Variants in RHEB observed in about 807,000 individuals in gnomAD.
RHEB encodes the protein Ras homolog, mTORC1 binding.
RHEB carries 2 observed loss-of-function variants against 28.8 expected under a neutral mutation model. The ratio of observed to expected loss-of-function variants is 0.07; its 90% CI spans 0.03 to 0.22. The LOEUF is 0.22. Ranked by LOEUF, RHEB falls within the 10% of genes least tolerant of loss-of-function variation. The pLI is 1.00. For synonymous variants in RHEB, 69 were observed against 77.3 expected (o/e 0.89, Z 0.56); for missense variants, 76 against 219.9 (o/e 0.35, Z 4.14).
At chr7:151,509,651 C>T (rs148653337) in intron 1 of RHEB, among the ~76,000 whole-genome samples, 1 of 152,180 alleles carries the variant, frequency 6.6e-6, no homozygotes, top group Non-Finnish European at 1.5e-5. Context: ...AGGATGGAAG[C>T]CAGGATCAGC....
At chr7:151,497,610 A>G (rs1802696696) in intron 1 of RHEB, among the ~76,000 whole-genome samples, 1 of 152,184 alleles carries the variant, frequency 6.6e-6, no homozygotes. Flanking sequence ...CGGCACTCGC[A>G]ATGTCCCGAT....
intron 3 of RHEB, among the ~76,000 whole-genome samples, chr7:151,479,682 CA>C (rs10690355): frequency 1.0e-3 from 114 of 113,250 alleles, no homozygotes; most frequent in Admixed American, 2.9e-3. Flanking sequence ...GACTCCGTCT[CA>C]AAAAAAAAAA....
intron 1 of RHEB, among the ~76,000 whole-genome samples, chr7:151,512,574 C>T (rs759097889): frequency 4.6e-5 from 7 of 152,192 alleles, no homozygotes; most frequent in Admixed American, 1.3e-4. Context: ...TGGCCTCCCT[C>T]GTGCTTCCTT....
At chr7:151,516,622 C>CAAAAAAAAAA (rs551863062) in intron 1 of RHEB, among the ~76,000 whole-genome samples, 2 of 91,978 alleles carry the variant, frequency 2.2e-5, no homozygotes, top group African/African-American at 4.4e-5. Flanking sequence ...GACTCTGTCA[C>CAAAAAAAAAA]AAAAAAAAAA....
intron 1 of RHEB, among the ~76,000 whole-genome samples, chr7:151,495,515 T>C (rs1802657141): frequency 6.6e-6 from 1 of 152,252 alleles, no homozygotes; most frequent in Non-Finnish European, 1.5e-5. Flanking sequence ...TCTCAGCTGG[T>C]ATTTTCACTA....
chr7:151,515,369 T>C (rs1303856253), intron 1 of RHEB, among the ~76,000 whole-genome samples: 1 of 152,142 alleles, frequency 6.6e-6, no homozygotes, highest in African/African-American at 2.4e-5. Flanking sequence ...TGCTAATGAG[T>C]ACAGAGTTTC....
At chr7:151,514,440 A>T (rs1013552775) in intron 1 of RHEB, among the ~76,000 whole-genome samples, 4 of 152,212 alleles carry the variant, frequency 2.6e-5, no homozygotes, top group African/African-American at 9.6e-5. Context: ...CAACCCACAG[A>T]CAGGAGAAAT....
rs1802438993 is a variant in RHEB at position 151,484,788 on chromosome 7, G to C, written c.141C>G (p.Ile47Met). The change falls in exon 3 of 8, where the codon ATC (isoleucine) becomes ATG (methionine). Residue 47 changes from isoleucine to methionine, a missense_variant. By Grantham distance (10) the Ile-to-Met change is conservative. Coordinates refer to ENST00000262187, the MANE Select transcript of RHEB (RefSeq NM_005614.4). ...GATGATATTCTTGTCCATTTACTGT[G>C]ATCAACTTTGTAAAAGCTACAGGGA... ...PTIENTFTKL[I>M]TVNGQEYHLQ... 6.2e-7 allele frequency: 1 copy of C among 1,611,704 alleles called. No homozygotes were observed. Among genetic ancestry groups the C allele is most frequent in the Non-Finnish European group, 8.5e-7 (1 of 1,178,282 alleles).
At chr7:151,480,947 G>C (rs1031779644) in intron 3 of RHEB, among the ~76,000 whole-genome samples, 2 of 152,176 alleles carry the variant, frequency 1.3e-5, no homozygotes, top group African/African-American at 4.8e-5. Context: ...GCCTCCCAAA[G>C]TGCGGGGATT....
At chr7:151,490,241 C>T (rs1470196000) in intron 2 of RHEB, among the ~76,000 whole-genome samples, 2 of 152,106 alleles carry the variant, frequency 1.3e-5, no homozygotes, top group African/African-American at 4.8e-5. Context: ...ATATTGAGTC[C>T]AGCCTGGGTA....
At chr7:151,488,422 C>T (rs1258566920) in intron 2 of RHEB, among the ~76,000 whole-genome samples, 1 of 152,156 alleles carries the variant, frequency 6.6e-6, no homozygotes, top group Non-Finnish European at 1.5e-5. Context: ...AAATTATTTC[C>T]AGATCTACAG....
At chr7:151,484,490 C>T (rs901899070) in intron 3 of RHEB, among the ~76,000 whole-genome samples, 1 of 152,120 alleles carries the variant, frequency 6.6e-6, no homozygotes, top group African/African-American at 2.4e-5. Context: ...GGGGTTACAT[C>T]GTGATAAACC....
chr7:151,486,997 G>C (rs1402368184), intron 2 of RHEB, among the ~76,000 whole-genome samples: 1 of 152,136 alleles, frequency 6.6e-6, no homozygotes, highest in Non-Finnish European at 1.5e-5. Context: ...AAATACCAAG[G>C]GGAAATGCAG....
chr7:151,501,365 C>T (rs577983681), intron 1 of RHEB, among the ~76,000 whole-genome samples: 1 of 152,302 alleles, frequency 6.6e-6, no homozygotes, highest in East Asian at 1.9e-4. Flanking sequence ...ACATCATTAT[C>T]CATTAGGGAA....
At chr7:151,510,908 T>A (rs1802968083) in intron 1 of RHEB, among the ~76,000 whole-genome samples, 1 of 151,842 alleles carries the variant, frequency 6.6e-6, no homozygotes, top group African/African-American at 2.4e-5. Context: ...TAAGACCTCA[T>A]GTCTACAAAA....
At chr7:151,504,163 C>T (rs1802825402) in intron 1 of RHEB, among the ~76,000 whole-genome samples, 1 of 152,184 alleles carries the variant, frequency 6.6e-6, no homozygotes, top group Non-Finnish European at 1.5e-5. Flanking sequence ...TGTTTGCTGA[C>T]ACATTTGTGC....
At chr7:151,473,275 C>A (rs1389457953) in intron 4 of RHEB, among the ~76,000 whole-genome samples, 1 of 152,226 alleles carries the variant, frequency 6.6e-6, no homozygotes, top group Non-Finnish European at 1.5e-5. Flanking sequence ...CAGCCTCAGG[C>A]CAGCGGCCAG....
rs540216372 is a variant in RHEB, at chr7:151,502,537, A to G, written c.53-11523T>C. 1.2e-5 allele frequency: 12 copies of G among 1,027,692 alleles called. No individual in the cohort carries two copies. The South Asian group carries it at 1.4e-4, about 12-fold the overall frequency. The allele number at this position is 1,027,692 out of a possible 1,614,324, so 63.7% of individuals were successfully genotyped here. On this transcript the variant is annotated intron_variant, in intron 1 of 7. Transcript: ENST00000262187. ...TCAACGTTGACTTTGAATCTTTCAAACCAATTAATACGTCATTGTATTGTG... is the reference window on the plus strand; with the variant it reads ...TCAACGTTGACTTTGAATCTTTCAAGCCAATTAATACGTCATTGTATTGTG...
At chr7:151,505,978 G>T (rs891021967) in intron 1 of RHEB, among the ~76,000 whole-genome samples, 1 of 152,116 alleles carries the variant, frequency 6.6e-6, no homozygotes, top group Non-Finnish European at 1.5e-5. Flanking sequence ...GCTTCCCGGG[G>T]AGCTGGGGTA....
Sources: gnomAD v4.1 joint callset for allele counts (sites outside exome capture counted in the v4.1 genomes callset) on GRCh38, gnomAD v4.1.1 for gene constraint, MANE v1.5 for transcripts, NCBI Gene and HGNC (gene_info 2026-07-23, HGNC 2026-07-21) for gene names.